The following MTG1 variants were observed in gnomAD, a reference collection of about 807,000 sequenced individuals.
MTG1 encodes mitochondrial ribosome associated GTPase 1.
Under a neutral mutation model 39.5 loss-of-function variants are expected in MTG1, and 30 were observed. The ratio of observed to expected loss-of-function variants is 0.76; its 90% CI spans 0.57 to 1.03. The LOEUF (loss-of-function observed/expected upper bound fraction) is 1.03, where lower values mean the gene tolerates loss of function less well. Among genes scored for constraint, MTG1 ranks in the 50% least tolerant of loss-of-function variants. The pLI is 0.00. For missense variants in MTG1, 513 were observed against 447.4 expected, an observed-to-expected ratio of 1.15 and a Z score of -1.32; for synonymous variants, 217 against 179.0, an observed-to-expected ratio of 1.21 and a Z score of -1.69.
intron 6 of MTG1, among the ~76,000 whole-genome samples, chr10:133,400,143 G>C (rs556382841): frequency 6.6e-6 from 1 of 152,108 alleles, no homozygotes; most frequent in South Asian, 2.1e-4. Context: ...AGTGAGTTGA[G>C]ATTGTGCCAC....
chr10:133,417,666 C>G (rs1850151296), intron 9 of MTG1, among the ~76,000 whole-genome samples: 1 of 152,008 alleles, frequency 6.6e-6, no homozygotes. Flanking sequence ...AGCTGATAAG[C>G]AACTTCAGCA....
At chr10:133,403,343 A>G (rs575368102) in intron 9 of MTG1, among the ~76,000 whole-genome samples, 132 of 125,924 alleles carry the variant, frequency 1.0e-3, no homozygotes, top group African/African-American at 3.7e-3. Flanking sequence ...CAAGGAAATG[A>G]GCGTTCCCGT....
intron 9 of MTG1, among the ~76,000 whole-genome samples, chr10:133,406,560 T>A (rs767352577): frequency 3.3e-5 from 5 of 152,116 alleles, no homozygotes; most frequent in Non-Finnish European, 5.9e-5. Context: ...TTGCCTGTGC[T>A]TTTGAGGTCT....
intron 9 of MTG1, among the ~76,000 whole-genome samples, chr10:133,410,754 AGAGT>A (rs1850035204): frequency 6.6e-6 from 1 of 152,242 alleles, no homozygotes; most frequent in African/African-American, 2.4e-5. Flanking sequence ...CCTGGGTGAC[AGAGT>A]GAGACCCCTC....
intron 9 of MTG1, among the ~76,000 whole-genome samples, chr10:133,414,702 G>T (rs1351285241): frequency 6.6e-6 from 1 of 152,206 alleles, no homozygotes; most frequent in Non-Finnish European, 1.5e-5. Context: ...AGGCAGAGGG[G>T]CTCCTCACAT....
chr10:133,408,185 T>C (rs1249233008), intron 9 of MTG1, among the ~76,000 whole-genome samples: 1 of 152,224 alleles, frequency 6.6e-6, no homozygotes, highest in Admixed American at 6.5e-5. Flanking sequence ...TTCAATATAC[T>C]GTTGGCTGTG....
chr10:133,395,385 A>G (rs1849767248), intron 1 of MTG1, among the ~76,000 whole-genome samples: 1 of 152,076 alleles, frequency 6.6e-6, no homozygotes, highest in Non-Finnish European at 1.5e-5. Flanking sequence ...ACAGAGCAAG[A>G]CTCCGTCTCA....
chr10:133,411,186 A>G (rs1850040816), intron 9 of MTG1, among the ~76,000 whole-genome samples: 1 of 151,730 alleles, frequency 6.6e-6, no homozygotes, highest in South Asian at 2.1e-4. Context: ...TTCATGTTTG[A>G]AGGTGTGTCC....
chr10:133,405,644 T>C (rs907445651), intron 9 of MTG1, among the ~76,000 whole-genome samples: 6 of 152,242 alleles, frequency 3.9e-5, no homozygotes, highest in South Asian at 4.1e-4. Flanking sequence ...TCCAGTTCTG[T>C]TTGTATTACT....
At chr10:133,409,900 C>CT (rs202081065) in intron 9 of MTG1, among the ~76,000 whole-genome samples, 33,198 of 132,814 alleles carry the variant, frequency 0.25, 4,092 homozygotes, top group Admixed American at 0.34. Context: ...TATTCCTGCT[C>CT]TTTTTTTTTT....
intron 9 of MTG1, among the ~76,000 whole-genome samples, chr10:133,419,214 C>T (rs1430029340): frequency 2.6e-5 from 4 of 152,214 alleles, no homozygotes; most frequent in South Asian, 2.1e-4. Context: ...GGCAAGGGCT[C>T]CGGTGGTGGG....
At position 133,394,310 on chromosome 10, in the gene MTG1, G is replaced by T; in HGVS notation, c.90G>T (p.Trp30Cys). Residue 30 changes from tryptophan (W) to cysteine (C), a missense_variant, in exon 1 of 11, where the codon TGG (tryptophan) becomes TGT (cysteine). Trp to Cys is a radical substitution (Grantham distance 215). Coordinates refer to ENST00000317502, the MANE Select transcript of MTG1 (RefSeq NM_138384.4). ...FPLCGRDVAR[W>C]FPGHMAKGLK... ...TGTGCGGTCGCGACGTGGCGCGCTG[G>T]TTCCCGGGCCACATGGCCAAGGGTG... The T allele has an allele frequency of 6.6e-7, 1 of 1,515,918 alleles. No homozygotes were observed. The highest frequency in any genetic ancestry group is 8.8e-7 in the Non-Finnish European group (1 of 1,136,322). 93.9% of individuals were successfully genotyped at this position (1,515,918 alleles called of 1,614,324 possible).
chr10:133,396,323 G>A (rs760184982), intron 3 of MTG1, 56 bp downstream of exon 3: 10 of 1,477,330 alleles, frequency 6.8e-6, no homozygotes, highest in Admixed American at 1.7e-5. Flanking sequence ...TCCCGAGGTC[G>A]CTTGTTCTAA....
chr10:133,396,187 C>CGATA lies in MTG1; in HGVS notation c.202_203insGATA (p.Leu68ArgfsTer10). ...CATCCCACTTTCAGGCCGCAACCCT[C>CGATA]TGTTTCAGGAAACCCTTGGGCTTAA... On this transcript the variant is annotated frameshift_variant, in exon 3 of 11. Coordinates refer to ENST00000317502, the MANE Select transcript of MTG1 (RefSeq NM_138384.4). LOFTEE classifies it high-confidence loss of function. The CGATA allele has an allele frequency of 6.2e-7, 1 of 1,614,208 alleles. No homozygotes were observed. Among genetic ancestry groups the CGATA allele is most frequent in the Non-Finnish European group, 8.5e-7 (1 of 1,180,016 alleles).
intron 3 of MTG1, among the ~76,000 whole-genome samples, chr10:133,397,196 C>T (rs1465405047): frequency 6.6e-6 from 1 of 152,214 alleles, no homozygotes; most frequent in Non-Finnish European, 1.5e-5. Flanking sequence ...TACCGAAAGT[C>T]TCTGATAAGC....
In MTG1 at chr10:133,419,522, A is replaced by G. The variant is rs780749706; in HGVS notation, c.795A>G (p.Val265=). 2 of 1,609,832 alleles carry G rather than the reference A, an allele frequency of 1.2e-6. No individual in the cohort carries two copies. Among genetic ancestry groups the G allele is most frequent in the Non-Finnish European group, 1.7e-6 (2 of 1,178,392 alleles). ...GCCTGGGCAGTGCCTGTGACAACGT[A>G]GAGCGCGTGCTGAAGAGTGTGGCTG... The part of the protein sequence containing the change: ...HYGLGSACDN[V]ERVLKSVAVK... Residue 265 remains valine, a synonymous_variant, in exon 10 of 11, where the codon GTA becomes GTG. Coordinates refer to ENST00000317502, the MANE Select transcript of MTG1 (RefSeq NM_138384.4).
Position 133,419,922 on chromosome 10 carries a change from T to C in MTG1, c.866-104T>C. On this transcript the variant is annotated intron_variant, in intron 10 of 10. Transcript: ENST00000317502. Reference sequence around the variant, plus strand: ...TGTGATCCCGTTCCCTGGGCTTCCCTGATGCCATCATGGAGCCTCTTAGGG... The same window carrying C: ...TGTGATCCCGTTCCCTGGGCTTCCCCGATGCCATCATGGAGCCTCTTAGGG... 4.5e-6 allele frequency: 6 copies of C among 1,347,690 alleles called. No individual in the cohort carries two copies. The South Asian group carries it at 8.4e-5, about 19-fold the overall frequency. 83.5% of individuals were successfully genotyped at this position (1,347,690 alleles called of 1,614,324 possible).
chr10:133,399,765 C>T (rs1302440449), intron 6 of MTG1, 146 bp downstream of exon 6: 7 of 710,710 alleles, frequency 9.8e-6, no homozygotes, highest in African/African-American at 1.7e-5. Context: ...CACATCTTGT[C>T]TCGTTCAGTC....
intron 9 of MTG1, among the ~76,000 whole-genome samples, chr10:133,416,354 C>A (rs1048147293): frequency 6.7e-6 from 1 of 148,862 alleles, no homozygotes. Context: ...GCTTTGTAGG[C>A]CTGGCAATTT....
Sources: gnomAD v4.1 joint callset for allele counts (sites outside exome capture counted in the v4.1 genomes callset) on GRCh38, gnomAD v4.1.1 for gene constraint, MANE v1.5 for transcripts, NCBI Gene and HGNC (gene_info 2026-07-23, HGNC 2026-07-21) for gene names.